The following TPMT variants were observed in gnomAD, a reference collection of about 807,000 sequenced individuals.
TPMT encodes the protein S-adenosyl-L-methionine:thiopurine S-methyltransferase.
Under a neutral mutation model 34.2 loss-of-function variants are expected in TPMT, and 18 were observed. That is an observed-to-expected ratio of 0.53 (90% confidence interval 0.36 to 0.78). TPMT has a LOEUF of 0.78. Ranked by LOEUF, TPMT falls within the 30% of genes least tolerant of loss-of-function variation. The pLI, the probability that TPMT is intolerant of heterozygous loss-of-function variation, is 0.00. For synonymous variants in TPMT, 69 were observed against 92.4 expected, an observed-to-expected ratio of 0.75 and a Z score of 1.45; for missense variants, 265 against 288.1, an observed-to-expected ratio of 0.92 and a Z score of 0.58.
In TPMT at chr6:18,149,196, T is replaced by C; in HGVS notation, c.-44-25A>G. 1 of 1,598,714 alleles carries C rather than the reference T, an allele frequency of 6.3e-7. No homozygotes were observed. The highest frequency in any genetic ancestry group is 1.1e-5 in the South Asian group (1 of 90,740). ...CCTACGTGGAAAATATTTGCAATGTTGTCATTTAAGGTCATTGGAATTCTA... is the reference window on the plus strand; with the variant it reads ...CCTACGTGGAAAATATTTGCAATGTCGTCATTTAAGGTCATTGGAATTCTA... On this transcript the variant is annotated intron_variant, in intron 1 of 8. Transcript: ENST00000309983. The surrounding 1 kb of genome is among the most constrained non-coding windows in gnomAD (Gnocchi z 5.0).
chr6:18,150,616 C>T lies in TPMT; in HGVS notation c.-44-1445G>A, dbSNP rs1234646919. 6.6e-6 allele frequency among the ~76,000 whole-genome samples: 1 copy of T among 152,100 alleles called. No individual in the cohort carries two copies. The highest frequency in any genetic ancestry group is 1.5e-5 in the Non-Finnish European group (1 of 68,024). The stretch of plus-strand genomic sequence containing the variant: ...TTTTTTTGTTGTTATTTTTTAGTGA[C>T]CACGCTTATATTGGTGAAGCCTAAC... On this transcript the variant is annotated intron_variant, in intron 1 of 8. Transcript: ENST00000309983. This position sits in a 1 kb window ranked among gnomAD's most constrained non-coding sequence, Gnocchi z 5.3.
At chr6:18,141,386 C>T (rs566688290) in intron 4 of TPMT, among the ~76,000 whole-genome samples, 1 of 150,294 alleles carries the variant, frequency 6.7e-6, no homozygotes, top group African/African-American at 2.5e-5. Flanking sequence ...CTTGCCCAGG[C>T]TGGAGTGCAG....
chr6:18,143,724 C>G lies in TPMT; in HGVS notation c.238G>C (p.Ala80Pro), dbSNP rs1800462. The G allele has an allele frequency of 2.1e-3, 3,451 of 1,613,984 alleles. 9 individuals carry two copies. Among genetic ancestry groups the G allele is most frequent in the Admixed American group, 4.6e-3 (276 of 59,996 alleles). The stretch of plus-strand genomic sequence containing the variant: ...CCAACTACACTGTGTCCCCGGTCTG[C>G]AAACCTGCATAAAATCATACATTTA... ...CGKAVEMKWF[A>P]DRGHSVVGVE... The change falls in exon 4 of 9, where the codon GCA becomes CCA. Residue 80 changes from alanine to proline, a missense_variant. Transcript: ENST00000309983. This position sits in a 1 kb window ranked among gnomAD's most constrained non-coding sequence, Gnocchi z 6.1.
chr6:18,151,868 A>T (rs1222640735), intron 1 of TPMT, among the ~76,000 whole-genome samples: 2 of 152,166 alleles, frequency 1.3e-5, no homozygotes, highest in African/African-American at 4.8e-5. Flanking sequence ...ATAAGAAAAG[A>T]AGAGAAGTGG....
chr6:18,140,076 A>G lies in TPMT; in HGVS notation c.367-359T>C, dbSNP rs981065320. Reference sequence around the variant, plus strand: ...TCAACCAATTATCAGGCAGGGTGGTACTGAAAAGTCAGGTATTTTAAGTTA... The same window carrying G: ...TCAACCAATTATCAGGCAGGGTGGTGCTGAAAAGTCAGGTATTTTAAGTTA... On this transcript the variant is annotated intron_variant, in intron 4 of 8. Transcript: ENST00000309983. The surrounding 1 kb of genome is among the most constrained non-coding windows in gnomAD (Gnocchi z 4.7). Among the ~76,000 whole-genome samples, 1 of 152,220 alleles carries G rather than the reference A, an allele frequency of 6.6e-6. No homozygotes were observed. The highest frequency in any genetic ancestry group is 1.5e-5 in the Non-Finnish European group (1 of 68,032).
At position 18,145,596 on chromosome 6, in the gene TPMT, A is replaced by C. The variant is rs1412856120; in HGVS notation, c.234-1868T>G. Among the ~76,000 whole-genome samples, 2 of 152,256 alleles carry C rather than the reference A, an allele frequency of 1.3e-5. No individual in the cohort carries two copies. The highest frequency in any genetic ancestry group is 2.9e-5 in the Non-Finnish European group (2 of 68,044). ...TATCTACAAAAGAGTACGTACTTTC[A>C]ATGTGGGCAGAGCATGAACTGTTTA... is the stretch of plus-strand genomic sequence containing the variant. On this transcript the variant is annotated intron_variant, in intron 3 of 8. Coordinates refer to ENST00000309983, the MANE Select transcript of TPMT (RefSeq NM_000367.5). The surrounding 1 kb of genome is among the most constrained non-coding windows in gnomAD (Gnocchi z 5.6).
At position 18,143,551 on chromosome 6, in the gene TPMT, T is replaced by C. The variant is rs373944952; in HGVS notation, c.366+45A>G. The C allele has an allele frequency of 1.7e-5, 27 of 1,610,782 alleles. No homozygotes were observed. Among genetic ancestry groups the C allele is most frequent in the Non-Finnish European group, 2.3e-5 (27 of 1,179,510 alleles). On this transcript the variant is annotated intron_variant, in intron 4 of 8. Coordinates refer to ENST00000309983, the MANE Select transcript of TPMT (RefSeq NM_000367.5). The surrounding 1 kb of genome is among the most constrained non-coding windows in gnomAD (Gnocchi z 6.1). ...CATAATACTCACACTGAGAAAAACT[T>C]TTGTGGGGATATGGATACAATTATT...
Position 18,135,827 on chromosome 6 carries a change from C to T in TPMT, c.495-1938G>A, listed in dbSNP as rs189527447. 4.1e-4 allele frequency among the ~76,000 whole-genome samples: 62 copies of T among 152,174 alleles called. No individual in the cohort carries two copies. The highest frequency in any genetic ancestry group is 3.4e-3 in the Middle Eastern group (1 of 294). ...GGGGTTGCAGTGAGCCGAGATCATG[C>T]CATTGCACTCCAGCCTGGGCAACAA... On this transcript the variant is annotated intron_variant, in intron 6 of 8. Transcript: ENST00000309983. This position sits in a 1 kb window ranked among gnomAD's most constrained non-coding sequence, Gnocchi z 5.0.
chr6:18,153,436 T>TA lies in TPMT; in HGVS notation c.-45+1596dup, dbSNP rs527681273. Among the ~76,000 whole-genome samples the TA allele has an allele frequency of 5.9e-5, 9 of 152,368 alleles. No individual in the cohort carries two copies. The South Asian group carries it at 1.9e-3, about 32-fold the overall frequency. On this transcript the variant is annotated intron_variant, in intron 1 of 8. Transcript: ENST00000309983. The surrounding 1 kb of genome is among the most constrained non-coding windows in gnomAD (Gnocchi z 4.2). ...TTAGTGAAACTAGTTTGGATTATAC[T>TA]AGCATGCTATTATTGGTGGTTCTAA...
rs1784285325 is a variant in TPMT at position 18,148,241 on chromosome 6, T to C, written c.141-326A>G. The stretch of plus-strand genomic sequence containing the variant: ...CTCTGGAGCCATGGATTTTTCAACA[T>C]TAATTTCATGGTACGTTCTCTAAAC... On this transcript the variant is annotated intron_variant, in intron 2 of 8. Transcript: ENST00000309983. The surrounding 1 kb of genome is among the most constrained non-coding windows in gnomAD (Gnocchi z 4.1). 6.6e-6 allele frequency among the ~76,000 whole-genome samples: 1 copy of C among 152,196 alleles called. No individual in the cohort carries two copies. The highest frequency in any genetic ancestry group is 6.6e-5 in the Admixed American group (1 of 15,264).
rs992022320 is a variant in TPMT at position 18,131,926 on chromosome 6, T to A, written c.625+207A>T. Among the ~76,000 whole-genome samples the A allele has an allele frequency of 6.6e-6, 1 of 152,156 alleles. No individual in the cohort carries two copies. The highest frequency in any genetic ancestry group is 1.5e-5 in the Non-Finnish European group (1 of 68,028). ...TCAAATAGTTGGGACTACAGGCACA[T>A]GCCACCACACTGGCCTAATTTTTGT... On this transcript the variant is annotated intron_variant, in intron 8 of 8. Transcript: ENST00000309983. The surrounding 1 kb of genome is among the most constrained non-coding windows in gnomAD (Gnocchi z 4.3).
At position 18,138,241 on chromosome 6, in the gene TPMT, A is replaced by G. The variant is rs1250773482; in HGVS notation, c.494+722T>C. On this transcript the variant is annotated intron_variant, in intron 6 of 8. Transcript: ENST00000309983. The surrounding 1 kb of genome is among the most constrained non-coding windows in gnomAD (Gnocchi z 4.1). The stretch of plus-strand genomic sequence containing the variant: ...ACCTTACAGAATTAAATGTTAAACC[A>G]CATGAAATATTTTGATTTTTTTGTT... Among the ~76,000 whole-genome samples the G allele has an allele frequency of 6.7e-6, 1 of 149,780 alleles. No homozygotes were observed. The highest frequency in any genetic ancestry group is 1.5e-5 in the Non-Finnish European group (1 of 67,760).
chr6:18,131,299 C>T lies in TPMT; in HGVS notation c.626-519G>A, dbSNP rs1352016408. Among the ~76,000 whole-genome samples the T allele has an allele frequency of 2.0e-5, 3 of 152,212 alleles. No homozygotes were observed. The highest frequency in any genetic ancestry group is 7.2e-5 in the African/African-American group (3 of 41,466). ...CCCAAGAGTAAAAATAAATACACCA[C>T]TGGGCATGGCGGCTCATGCCTCTAA... On this transcript the variant is annotated intron_variant, in intron 8 of 8. Coordinates refer to ENST00000309983, the MANE Select transcript of TPMT (RefSeq NM_000367.5). This position sits in a 1 kb window ranked among gnomAD's most constrained non-coding sequence, Gnocchi z 4.3.
At position 18,139,629 on chromosome 6, in the gene TPMT, A is replaced by C; in HGVS notation, c.419+36T>G. The C allele has an allele frequency of 2.5e-6, 4 of 1,582,938 alleles. No individual in the cohort carries two copies. The highest frequency in any genetic ancestry group is 3.5e-6 in the Non-Finnish European group (4 of 1,151,940). Reference sequence around the variant, plus strand: ...TGCCTGCACTGCCTGGCAAGCATTCAAATTTTTTAAAGTGCAGATGTAGTA... The same window carrying C: ...TGCCTGCACTGCCTGGCAAGCATTCCAATTTTTTAAAGTGCAGATGTAGTA... On this transcript the variant is annotated intron_variant, in intron 5 of 8. Coordinates refer to ENST00000309983, the MANE Select transcript of TPMT (RefSeq NM_000367.5). This position sits in a 1 kb window ranked among gnomAD's most constrained non-coding sequence, Gnocchi z 4.2.
Position 18,149,023 on chromosome 6 carries a change from G to A in TPMT, c.105C>T (p.Asn35=), listed in dbSNP as rs367678410. 2.9e-5 allele frequency: 47 copies of A among 1,613,824 alleles called. No homozygotes were observed. The highest frequency in any genetic ancestry group is 8.0e-5 in the African/African-American group (6 of 74,864). The change falls in exon 2 of 9, where the codon AAC becomes AAT. Residue 35 remains asparagine (N), a synonymous_variant. Coordinates refer to ENST00000309983, the MANE Select transcript of TPMT (RefSeq NM_000367.5). The surrounding 1 kb of genome is among the most constrained non-coding windows in gnomAD (Gnocchi z 5.0). Reference sequence around the variant, plus strand: ...GTTCCTGATGAAAAGCAGTCTTGCCGTTCACCCACTTGTCTTGCCATTCTT... The same window carrying A: ...GTTCCTGATGAAAAGCAGTCTTGCCATTCACCCACTTGTCTTGCCATTCTT... ...TLEEWQDKWV[N]GKTAFHQEQG...
Position 18,143,805 on chromosome 6 carries a change from T to C in TPMT, c.234-77A>G, listed in dbSNP as rs1321732925. ...AGAGGGTTATATTAGAGTAAGCATA[T>C]ATTTTCTTTAATTTAGAGGAATTTA... On this transcript the variant is annotated intron_variant, in intron 3 of 8. Coordinates refer to ENST00000309983, the MANE Select transcript of TPMT (RefSeq NM_000367.5). The surrounding 1 kb of genome is among the most constrained non-coding windows in gnomAD (Gnocchi z 6.1). The C allele has an allele frequency of 2.3e-5, 36 of 1,552,970 alleles. No individual in the cohort carries two copies. Among genetic ancestry groups the C allele is most frequent in the Non-Finnish European group, 3.1e-5 (35 of 1,141,360 alleles).
At position 18,136,918 on chromosome 6, in the gene TPMT, G is replaced by T. The variant is rs373506353; in HGVS notation, c.494+2045C>A. Among the ~76,000 whole-genome samples, 72 of 152,304 alleles carry T rather than the reference G, an allele frequency of 4.7e-4. No homozygotes were observed. The highest frequency in any genetic ancestry group is 1.7e-3 in the African/African-American group (69 of 41,578). On this transcript the variant is annotated intron_variant, in intron 6 of 8. Coordinates refer to ENST00000309983, the MANE Select transcript of TPMT (RefSeq NM_000367.5). The surrounding 1 kb of genome is among the most constrained non-coding windows in gnomAD (Gnocchi z 4.7). ...ATAAGGCTGAGGATGGTGGTCCCTT[G>T]GGGAATCACGACTTTTAGGCATGCA...
chr6:18,142,333 C>G (rs572086755), intron 4 of TPMT, among the ~76,000 whole-genome samples: 9 of 152,226 alleles, frequency 5.9e-5, no homozygotes, highest in Non-Finnish European at 7.4e-5. Context: ...ACAACCTCTG[C>G]AGTGACTTGG....
rs925330903 is a variant in TPMT at position 18,131,782 on chromosome 6, AG to A, written c.625+350del. ...TACTAATATACTAATAGTTCACAATAGGTTTTTTTTTTTTAGATGGAGTCTC... is the reference window on the plus strand; with the variant it reads ...TACTAATATACTAATAGTTCACAATAGTTTTTTTTTTTTAGATGGAGTCTC... On this transcript the variant is annotated intron_variant, in intron 8 of 8. Coordinates refer to ENST00000309983, the MANE Select transcript of TPMT (RefSeq NM_000367.5). This position sits in a 1 kb window ranked among gnomAD's most constrained non-coding sequence, Gnocchi z 4.3. Among the ~76,000 whole-genome samples the A allele has an allele frequency of 6.6e-6, 1 of 151,574 alleles. No individual in the cohort carries two copies. The highest frequency in any genetic ancestry group is 2.4e-5 in the African/African-American group (1 of 41,234).
Sources: gnomAD v4.1 joint callset for allele counts (sites outside exome capture counted in the v4.1 genomes callset) on GRCh38, gnomAD v4.1.1 for gene constraint, Gnocchi (gnomAD v3.1) non-coding constraint, MANE v1.5 for transcripts, NCBI Gene and HGNC (gene_info 2026-07-23, HGNC 2026-07-21) for gene names.